RXRA: variants seen among roughly 807,000 people sequenced by gnomAD.
RXRA encodes the protein retinoid X receptor alpha, also known as retinoic acid receptor RXR-alpha.
In RXRA, 5 loss-of-function variants were observed where a neutral mutation model predicts 44.5. The ratio of observed to expected loss-of-function variants is 0.11; its 90% CI spans 0.06 to 0.24. The LOEUF (loss-of-function observed/expected upper bound fraction) is 0.24. Ranked by LOEUF, RXRA falls within the 10% of genes least tolerant of loss-of-function variation. RXRA has a pLI of 1.00. For missense variants in RXRA, 412 were observed against 646.5 expected, an observed-to-expected ratio of 0.64 and a Z score of 3.93; for synonymous variants, 291 against 271.4, an observed-to-expected ratio of 1.07 and a Z score of -0.71.
chr9:134,332,262 G>A (rs1437952986), intron 1 of RXRA, among the ~76,000 whole-genome samples: 1 of 152,186 alleles, frequency 6.6e-6, no homozygotes, highest in Non-Finnish European at 1.5e-5. Flanking sequence ...AATTCCTGAG[G>A]TACCTGGGGG....
intron 1 of RXRA, among the ~76,000 whole-genome samples, chr9:134,393,447 C>A (rs1033965415): frequency 2.0e-5 from 3 of 152,150 alleles, no homozygotes; most frequent in Non-Finnish European, 2.9e-5. Context: ...AGCCTGGTCC[C>A]AGGTTAAGTG....
chr9:134,419,097 C>G (rs975155279), intron 5 of RXRA, among the ~76,000 whole-genome samples: 5 of 152,182 alleles, frequency 3.3e-5, no homozygotes, highest in Non-Finnish European at 7.3e-5. Context: ...ACCGTTCTTT[C>G]CGGAGAAACC....
intron 1 of RXRA, among the ~76,000 whole-genome samples, chr9:134,330,832 A>G (rs1834993663): frequency 1.3e-5 from 2 of 152,188 alleles, no homozygotes; most frequent in South Asian, 2.1e-4. Context: ...TGAAAAATGG[A>G]CATACTCATT....
chr9:134,371,167 G>T (rs1197791728), intron 1 of RXRA, among the ~76,000 whole-genome samples: 1 of 152,190 alleles, frequency 6.6e-6, no homozygotes, highest in Non-Finnish European at 1.5e-5. Context: ...AGTTACAAAA[G>T]TCATCCCTCC....
intron 1 of RXRA, among the ~76,000 whole-genome samples, chr9:134,328,252 A>G (rs905160668): frequency 6.6e-6 from 1 of 152,216 alleles, no homozygotes; most frequent in African/African-American, 2.4e-5. Context: ...TGGACGTGGC[A>G]GGGGCCTGGC....
chr9:134,359,405 C>T (rs1830322399), intron 1 of RXRA, among the ~76,000 whole-genome samples: 1 of 152,156 alleles, frequency 6.6e-6, no homozygotes, highest in South Asian at 2.1e-4. Flanking sequence ...AGCCCACCTC[C>T]CCTCCCTTCC....
At chr9:134,326,940 G>C (rs1160041709) in intron 1 of RXRA, among the ~76,000 whole-genome samples, 6 of 150,516 alleles carry the variant, frequency 4.0e-5, no homozygotes, top group Admixed American at 6.6e-5. Context: ...CCCGCTCACC[G>C]GCGGCCGCCT....
chr9:134,425,759 C>T (rs901850341), intron 6 of RXRA: 19 of 985,384 alleles, frequency 1.9e-5, no homozygotes, highest in African/African-American at 1.2e-4. Context: ...TTGTCACTGC[C>T]GCCCTGGGAC....
At chr9:134,348,076 G>A (rs990999141) in intron 1 of RXRA, among the ~76,000 whole-genome samples, 1 of 152,198 alleles carries the variant, frequency 6.6e-6, no homozygotes, top group Admixed American at 6.5e-5. Flanking sequence ...GGGAGAGAGG[G>A]CTTGGGGTGA....
At chr9:134,423,298 G>A in intron 6 of RXRA, 1 of 985,454 alleles carries the variant, frequency 1.0e-6, no homozygotes, top group Non-Finnish European at 1.2e-6. Flanking sequence ...CTGGGCCCAA[G>A]AAGCCAAGCT....
chr9:134,421,583 G>A, intron 5 of RXRA, 93 bp from the exon 6 acceptor site: 1 of 1,406,498 alleles, frequency 7.1e-7, no homozygotes, highest in Non-Finnish European at 9.6e-7. Context: ...GTCCTGCATG[G>A]GCCCAGCGTG....
At chr9:134,398,992 T>C (rs1234669055) in intron 1 of RXRA, among the ~76,000 whole-genome samples, 1 of 152,258 alleles carries the variant, frequency 6.6e-6, no homozygotes, top group Non-Finnish European at 1.5e-5. Context: ...GTCAGCACAG[T>C]GTTTCCCTGG....
chr9:134,337,259 C>G (rs1472499539), intron 1 of RXRA, among the ~76,000 whole-genome samples: 12 of 152,196 alleles, frequency 7.9e-5, no homozygotes, highest in Non-Finnish European at 1.8e-4. Context: ...GGGGTCAAGG[C>G]CAGCCACGAG....
At chr9:134,350,379 G>A (rs1236232017) in intron 1 of RXRA, among the ~76,000 whole-genome samples, 1 of 152,216 alleles carries the variant, frequency 6.6e-6, no homozygotes, top group Non-Finnish European at 1.5e-5. Flanking sequence ...TCTGTAAGGG[G>A]CATGGCTGTC....
intron 1 of RXRA, among the ~76,000 whole-genome samples, chr9:134,370,341 A>T (rs1305078109): frequency 6.6e-6 from 1 of 152,174 alleles, no homozygotes; most frequent in Non-Finnish European, 1.5e-5. Flanking sequence ...CGCCGTGTCC[A>T]CTGCTGGGAG....
At chr9:134,429,064 G>A (rs1295284657) in intron 6 of RXRA, 44 bp from the exon 7 acceptor site, 13 of 1,608,550 alleles carry the variant, frequency 8.1e-6, no homozygotes, top group South Asian at 1.1e-5. Flanking sequence ...GGCGAGCCCC[G>A]TGGGGCCTGG....
At chr9:134,354,802 C>T (rs1439009844) in intron 1 of RXRA, among the ~76,000 whole-genome samples, 1 of 152,262 alleles carries the variant, frequency 6.6e-6, no homozygotes, top group Admixed American at 6.5e-5. Flanking sequence ...TCCAGGCTCC[C>T]CAGGCTGCAA....
At chr9:134,338,122 A>G (rs893673834) in intron 1 of RXRA, among the ~76,000 whole-genome samples, 5 of 152,160 alleles carry the variant, frequency 3.3e-5, no homozygotes, top group Non-Finnish European at 7.4e-5. Context: ...AACGCTGGGC[A>G]GTGACCACAG....
At chr9:134,346,396 G>A (rs1001483196) in intron 1 of RXRA, among the ~76,000 whole-genome samples, 10 of 152,138 alleles carry the variant, frequency 6.6e-5, no homozygotes, top group Non-Finnish European at 1.2e-4. Flanking sequence ...CTCGGCTGTC[G>A]GCTCATCCAG....
Sources: gnomAD v4.1 joint callset for allele counts (sites outside exome capture counted in the v4.1 genomes callset) on GRCh38, gnomAD v4.1.1 for gene constraint, MANE v1.5 for transcripts, NCBI Gene and HGNC (gene_info 2026-07-23, HGNC 2026-07-21) for gene names.